The following CMIP variants were observed in gnomAD, a reference collection of about 807,000 sequenced individuals.
CMIP encodes the protein C-Maf-inducing protein.
Under a neutral mutation model 97.3 loss-of-function variants are expected in CMIP, and 13 were observed. The ratio of observed to expected loss-of-function variants is 0.13; its 90% confidence interval spans 0.09 to 0.21. The LOEUF is 0.21. Among genes scored for constraint, CMIP ranks in the 10% least tolerant of loss-of-function variants. CMIP has a pLI of 1.00. For missense variants in CMIP, 847 were observed against 1,024.9 expected, an observed-to-expected ratio of 0.83 and a Z score of 2.37; for synonymous variants, 538 against 436.3, an observed-to-expected ratio of 1.23 and a Z score of -2.91.
chr16:81,694,667 T>G (rs1189168297), intron 13 of CMIP, among the ~76,000 whole-genome samples: 1 of 152,216 alleles, frequency 6.6e-6, no homozygotes, highest in African/African-American at 2.4e-5. Flanking sequence ...GCCGCATCCC[T>G]TCCCGGTTCC....
chr16:81,617,431 G>A (rs997568671), intron 2 of CMIP: 3 of 152,380 alleles, frequency 2.0e-5, no homozygotes, highest in African/African-American at 7.2e-5. Context: ...AAGATCCAGA[G>A]TCCTGGGCAA....
chr16:81,680,120 C>T (rs888666568), intron 10 of CMIP, among the ~76,000 whole-genome samples: 5 of 152,198 alleles, frequency 3.3e-5, no homozygotes, highest in African/African-American at 1.2e-4. Context: ...TGGTGCCTGT[C>T]TAGAGCCAGG....
intron 11 of CMIP, 44 bp from the exon 12 acceptor site, chr16:81,693,114 G>C (rs371836714): frequency 2.6e-6 from 4 of 1,557,952 alleles, no homozygotes; most frequent in Admixed American, 1.7e-5. Flanking sequence ...TGCTGTTTCC[G>C]ACGCTTCTGT....
chr16:81,701,870 GC>G (rs1206063617), intron 16 of CMIP, 70 bp downstream of exon 16: 1 of 1,588,246 alleles, frequency 6.3e-7, no homozygotes, highest in African/African-American at 1.3e-5. Context: ...GGGATGCGGG[GC>G]AGCTAGTACT....
At chr16:81,701,946 C>A in intron 16 of CMIP, 146 bp downstream of exon 16, 1 of 950,498 alleles carries the variant, frequency 1.1e-6, no homozygotes, top group South Asian at 1.5e-5. Flanking sequence ...GTATTACCAC[C>A]TGCCACTTTT....
intron 10 of CMIP, among the ~76,000 whole-genome samples, chr16:81,690,689 C>T (rs1905960528): frequency 6.6e-6 from 1 of 152,218 alleles, no homozygotes; most frequent in African/African-American, 2.4e-5. Context: ...CTTTGGGAGG[C>T]TGAGGCAGGC....
At chr16:81,547,925 T>C (rs1043575065) in intron 1 of CMIP, among the ~76,000 whole-genome samples, 3 of 152,126 alleles carry the variant, frequency 2.0e-5, no homozygotes, top group African/African-American at 7.2e-5. Context: ...GCTCTGCTCT[T>C]CCTGTCACCC....
intron 1 of CMIP, among the ~76,000 whole-genome samples, chr16:81,450,877 C>G (rs1906164431): frequency 6.6e-6 from 1 of 152,198 alleles, no homozygotes; most frequent in Admixed American, 6.5e-5. Flanking sequence ...CCCTAGTGGC[C>G]CTCCTTGGAG....
intron 1 of CMIP, among the ~76,000 whole-genome samples, chr16:81,560,373 T>C (rs1597561580): frequency 6.6e-6 from 1 of 151,910 alleles, no homozygotes; most frequent in South Asian, 2.1e-4. Flanking sequence ...CTCCCGCCAC[T>C]ATTCCTGGCT....
intron 1 of CMIP, among the ~76,000 whole-genome samples, chr16:81,507,383 G>C (rs1306457539): frequency 2.6e-5 from 4 of 152,202 alleles, no homozygotes; most frequent in African/African-American, 9.7e-5. Context: ...CTGTGAGGGT[G>C]TCAGGAGTTT....
Position 81,668,075 on chromosome 16 carries a change from C to T in CMIP, c.826-2067C>T, listed in dbSNP as rs910835152. Among the ~76,000 whole-genome samples the T allele has an allele frequency of 1.1e-4, 16 of 152,230 alleles. No homozygotes were observed. In the South Asian group the frequency reaches 3.3e-3, roughly 32 times the overall value. On this transcript the variant is annotated intron_variant, in intron 7 of 20. Coordinates refer to ENST00000537098, the MANE Select transcript of CMIP (RefSeq NM_198390.3). The stretch of plus-strand genomic sequence containing the variant: ...CGGGTTCCACTCAGAGCTTTCATGC[C>T]AGCTTCGGGGTCAGTTAGACCTGAG...
At chr16:81,575,529 G>A (rs148990431) in intron 1 of CMIP, among the ~76,000 whole-genome samples, 1 of 152,316 alleles carries the variant, frequency 6.6e-6, no homozygotes, top group East Asian at 1.9e-4. Flanking sequence ...CCATACAGAG[G>A]CTGACTTCAT....
At chr16:81,604,693 C>G (rs1454470326) in intron 1 of CMIP, among the ~76,000 whole-genome samples, 2 of 152,142 alleles carry the variant, frequency 1.3e-5, no homozygotes, top group African/African-American at 4.8e-5. Flanking sequence ...GAGCAAGACT[C>G]CGTCTCAAAC....
intron 3 of CMIP, among the ~76,000 whole-genome samples, chr16:81,641,644 C>G (rs1322870609): frequency 1.3e-5 from 2 of 152,170 alleles, no homozygotes; most frequent in Non-Finnish European, 2.9e-5. Flanking sequence ...TCCCTGGAAG[C>G]GGCATTGAGC....
At chr16:81,696,380 C>T in intron 13 of CMIP, 180 bp from the exon 14 acceptor site, 2 of 657,098 alleles carry the variant, frequency 3.0e-6, no homozygotes, top group Non-Finnish European at 5.4e-6. Flanking sequence ...CACGGTATTT[C>T]CCGAAAGACC....
rs543455499 is a variant in CMIP at position 81,624,289 on chromosome 16, C to T, written c.477+3363C>T. Among the ~76,000 whole-genome samples the T allele has an allele frequency of 2.6e-5, 4 of 152,206 alleles. No homozygotes were observed. The East Asian group carries it at 7.7e-4, about 29-fold the overall frequency. ...GGTTTGTTACATATGTATATATGTGCCATGTTGGTGTGCTGCACCCATTAA... is the reference window on the plus strand; with the variant it reads ...GGTTTGTTACATATGTATATATGTGTCATGTTGGTGTGCTGCACCCATTAA... On this transcript the variant is annotated intron_variant, in intron 3 of 20. Coordinates refer to ENST00000537098, the MANE Select transcript of CMIP (RefSeq NM_198390.3).
chr16:81,684,962 C>T (rs1905232707), intron 10 of CMIP, among the ~76,000 whole-genome samples: 1 of 152,246 alleles, frequency 6.6e-6, no homozygotes, highest in African/African-American at 2.4e-5. Flanking sequence ...CGCCCAGAGC[C>T]AGGGCAGTCC....
intron 1 of CMIP, among the ~76,000 whole-genome samples, chr16:81,480,072 G>C (rs1908166748): frequency 6.6e-6 from 1 of 152,238 alleles, no homozygotes; most frequent in Non-Finnish European, 1.5e-5. Flanking sequence ...GCTTTGGTCT[G>C]GGGGAGGTCT....
rs192929624 is a variant in CMIP at position 81,473,568 on chromosome 16, T to A, written c.300+28027T>A. Among the ~76,000 whole-genome samples, 7 of 152,140 alleles carry A rather than the reference T, an allele frequency of 4.6e-5. No individual in the cohort carries two copies. The East Asian group carries it at 1.3e-3, about 29-fold the overall frequency. ...TAAGAATTAGCAGTTCCTGTCCTTT[T>A]GGTGTGGGAGTTGGGCGGGGGTTGA... On this transcript the variant is annotated intron_variant, in intron 1 of 20. Transcript: ENST00000537098.
Sources: gnomAD v4.1 joint callset for allele counts (sites outside exome capture counted in the v4.1 genomes callset) on GRCh38, gnomAD v4.1.1 for gene constraint, MANE v1.5 for transcripts, NCBI Gene and HGNC (gene_info 2026-07-23, HGNC 2026-07-21) for gene names.